IQGAP2: variants seen among roughly 807,000 people sequenced by gnomAD.
IQGAP2 encodes the protein ras GTPase-activating-like protein IQGAP2.
In IQGAP2, 173 loss-of-function variants were observed where a neutral mutation model predicts 201.3. That is an observed-to-expected ratio of 0.86 (90% CI 0.76 to 0.98). The LOEUF (loss-of-function observed/expected upper bound fraction) is 0.98, where lower values mean the gene tolerates loss of function less well. Ranked by LOEUF, IQGAP2 falls within the 50% of genes least tolerant of loss-of-function variation. IQGAP2 has a pLI of 0.00. For synonymous variants in IQGAP2, 675 were observed against 673.9 expected (o/e 1.00, Z -0.03); for missense variants, 1,687 against 1,864.8 (o/e 0.90, Z 1.76).
At chr5:76,473,914 A>G (rs1755264616) in intron 2 of IQGAP2, among the ~76,000 whole-genome samples, 6 of 152,294 alleles carry the variant, frequency 3.9e-5, no homozygotes, top group Middle Eastern at 6.8e-3. Flanking sequence ...GTGATGCTTA[A>G]AAGTCATAAA....
At chr5:76,606,402 A>G in intron 12 of IQGAP2, 99 bp downstream of exon 12, 2 of 1,053,360 alleles carry the variant, frequency 1.9e-6, no homozygotes, top group Non-Finnish European at 2.7e-6. Context: ...TGCTCAAGGA[A>G]CTTTGTGAGA....
intron 2 of IQGAP2, among the ~76,000 whole-genome samples, chr5:76,521,878 G>A (rs1245658628): frequency 3.3e-5 from 5 of 152,060 alleles, no homozygotes; most frequent in Non-Finnish European, 7.4e-5. Context: ...TACTGAGGCT[G>A]CTAGTTTGGG....
chr5:76,550,768 G>A (rs1271030703), intron 2 of IQGAP2, among the ~76,000 whole-genome samples: 3 of 152,230 alleles, frequency 2.0e-5, no homozygotes, highest in Non-Finnish European at 4.4e-5. Context: ...CACAGACACA[G>A]TAACAATCTG....
intron 31 of IQGAP2, 112 bp downstream of exon 31, chr5:76,693,554 G>A: frequency 1.4e-6 from 1 of 721,632 alleles, no homozygotes; most frequent in Non-Finnish European, 2.3e-6. Flanking sequence ...TGGTCCGGAA[G>A]TAAGGAATTT....
chr5:76,543,922 A>C (rs1392875711), intron 2 of IQGAP2, among the ~76,000 whole-genome samples: 1 of 152,230 alleles, frequency 6.6e-6, no homozygotes, highest in East Asian at 1.9e-4. Flanking sequence ...ATGTCAATAC[A>C]GAACAATAAT....
In IQGAP2 at chr5:76,707,348, C is replaced by A; in HGVS notation, c.*35C>A. The A allele has an allele frequency of 1.1e-6, 1 of 892,812 alleles. No homozygotes were observed. The highest frequency in any genetic ancestry group is 1.9e-6 in the Non-Finnish European group (1 of 532,696). 55.3% of individuals were successfully genotyped at this position (892,812 alleles called of 1,614,324 possible). A position where few individuals can be genotyped will look rare whatever the true frequency, so the allele number is the denominator to read the frequency against. On this transcript the variant is annotated 3_prime_UTR_variant, in exon 36 of 36. Transcript: ENST00000274364. The stretch of plus-strand genomic sequence containing the variant: ...AGAAATTTCTTGGATTCTGTATCAT[C>A]TGGATTAGGAAATGAATTTGTTTAA...
intron 35 of IQGAP2, among the ~76,000 whole-genome samples, 188 bp downstream of exon 35, chr5:76,702,778 A>G (rs1203263133): frequency 6.8e-6 from 1 of 147,234 alleles, no homozygotes; most frequent in Non-Finnish European, 1.5e-5. Context: ...TTGGAAATTG[A>G]TATGCTTCTA....
intron 13 of IQGAP2, chr5:76,617,717 G>A (rs770934396): frequency 2.5e-6 from 4 of 1,614,016 alleles, no homozygotes; most frequent in Middle Eastern, 3.3e-4. Flanking sequence ...CAGTGTTGTT[G>A]TAGTAGTAGT....
chr5:76,423,250 A>C (rs1437517803), intron 1 of IQGAP2, among the ~76,000 whole-genome samples: 1 of 152,214 alleles, frequency 6.6e-6, no homozygotes, highest in Non-Finnish European at 1.5e-5. Context: ...AGCGATGTGC[A>C]TTGCCAGGGA....
At chr5:76,680,837 G>A (rs528255520) in intron 28 of IQGAP2, among the ~76,000 whole-genome samples, 6 of 149,348 alleles carry the variant, frequency 4.0e-5, no homozygotes, top group African/African-American at 1.5e-4. Flanking sequence ...AGGTGCAGTG[G>A]CTCACACCTG....
At chr5:76,476,935 C>T (rs1456730765) in intron 2 of IQGAP2, among the ~76,000 whole-genome samples, 1 of 152,180 alleles carries the variant, frequency 6.6e-6, no homozygotes, top group African/African-American at 2.4e-5. Context: ...CACCGAGCAA[C>T]ACTTAACTTC....
chr5:76,454,415 A>G (rs910678269), intron 1 of IQGAP2, among the ~76,000 whole-genome samples: 4 of 148,304 alleles, frequency 2.7e-5, no homozygotes, highest in East Asian at 2.1e-4. Context: ...AGCATTAGGT[A>G]TATCTCCTAA....
rs563652989 is a variant in IQGAP2, at chr5:76,533,760, A to G, written c.147-28636A>G. Among the ~76,000 whole-genome samples the G allele has an allele frequency of 4.6e-5, 7 of 152,162 alleles. No individual in the cohort carries two copies. The South Asian group carries it at 1.2e-3, about 27-fold the overall frequency. On this transcript the variant is annotated intron_variant, in intron 2 of 35. Coordinates refer to ENST00000274364, the MANE Select transcript of IQGAP2 (RefSeq NM_006633.5). ...TCACCGTGTTAGCCAGGATGGTCTC[A>G]ATCTCCTGACCTCATGATCCGCCTG...
chr5:76,539,143 G>A (rs1759787950), intron 2 of IQGAP2, among the ~76,000 whole-genome samples: 1 of 152,196 alleles, frequency 6.6e-6, no homozygotes, highest in Non-Finnish European at 1.5e-5. Context: ...CAGCTGCCTG[G>A]CAGCCCAAGG....
chr5:76,702,258 A>G (rs1363428127), intron 34 of IQGAP2, among the ~76,000 whole-genome samples: 1 of 152,204 alleles, frequency 6.6e-6, no homozygotes. Context: ...TAAAGCACCT[A>G]TGTCAGAACT....
chr5:76,621,541 G>A (rs574183719), intron 13 of IQGAP2, among the ~76,000 whole-genome samples: 2 of 152,178 alleles, frequency 1.3e-5, no homozygotes, highest in Non-Finnish European at 2.9e-5. Context: ...TGAAGAGCAT[G>A]CCGTACAAGT....
chr5:76,429,879 AC>A (rs1752267439), intron 1 of IQGAP2, among the ~76,000 whole-genome samples: 2 of 151,390 alleles, frequency 1.3e-5, no homozygotes, highest in Admixed American at 6.6e-5. Flanking sequence ...ACACACACAC[AC>A]ACACACACAC....
rs34776267 is a variant in IQGAP2, at chr5:76,609,841, ATGTGTG to A, written c.1358-1159_1358-1154del. 3.0e-3 allele frequency among the ~76,000 whole-genome samples: 433 copies of A among 145,428 alleles called. 2 individuals are homozygous for A. Among genetic ancestry groups the A allele is most frequent in the Middle Eastern group, 0.01 (3 of 286 alleles). On this transcript the variant is annotated intron_variant, in intron 12 of 35. Transcript: ENST00000274364. ...GTGTATATGTGTGTTTTATATATAT[ATGTGTG>A]TGTGTGTGTGTGTGTGTGTCTGTGT...
intron 1 of IQGAP2, among the ~76,000 whole-genome samples, chr5:76,411,685 A>G (rs1751129815): frequency 1.3e-5 from 2 of 152,172 alleles, no homozygotes; most frequent in Admixed American, 1.3e-4. Context: ...CAGGCCCCTC[A>G]ACCTTGGACA....
Sources: gnomAD v4.1 joint callset for allele counts (sites outside exome capture counted in the v4.1 genomes callset) on GRCh38, gnomAD v4.1.1 for gene constraint, MANE v1.5 for transcripts, NCBI Gene and HGNC (gene_info 2026-07-23, HGNC 2026-07-21) for gene names.